The following SLC4A10 variants were observed in gnomAD, a reference collection of about 807,000 sequenced individuals.
SLC4A10 encodes the protein sodium-driven chloride bicarbonate exchanger.
SLC4A10 carries 42 observed loss-of-function variants against 137.7 expected under a neutral mutation model. That is an observed-to-expected ratio of 0.30 (90% CI 0.24 to 0.39). SLC4A10 has a LOEUF of 0.39. Ranked by LOEUF, SLC4A10 falls within the 10% of genes least tolerant of loss-of-function variation. The pLI, the probability that SLC4A10 is intolerant of heterozygous loss-of-function variation, is 1.00. For missense variants in SLC4A10, 925 were observed against 1,355.0 expected, an observed-to-expected ratio of 0.68 and a Z score of 4.98; for synonymous variants, 474 against 464.1, an observed-to-expected ratio of 1.02 and a Z score of -0.27.
At chr2:161,847,917 T>TA (rs1292613618) in intron 4 of SLC4A10, among the ~76,000 whole-genome samples, 4 of 152,190 alleles carry the variant, frequency 2.6e-5, no homozygotes, top group African/African-American at 7.2e-5. Flanking sequence ...GGATGAATGA[T>TA]AGTTCTGTTT....
chr2:161,843,429 G>A (rs1165907334), intron 4 of SLC4A10, among the ~76,000 whole-genome samples: 1 of 152,146 alleles, frequency 6.6e-6, no homozygotes, highest in African/African-American at 2.4e-5. Flanking sequence ...ATGGACCTAT[G>A]TTTGTAGCCA....
At chr2:161,734,745 AT>A (rs111249801) in intron 1 of SLC4A10, among the ~76,000 whole-genome samples, 13,357 of 151,660 alleles carry the variant, frequency 0.088, 860 homozygotes, top group African/African-American at 0.19. Context: ...CTGTATATAT[AT>A]TTTTTTTCTG....
At chr2:161,678,907 T>C (rs1427376953) in intron 1 of SLC4A10, among the ~76,000 whole-genome samples, 1 of 152,174 alleles carries the variant, frequency 6.6e-6, no homozygotes, top group Non-Finnish European at 1.5e-5. Flanking sequence ...CTGTTATGAT[T>C]GAAACCAATA....
chr2:161,887,286 G>A (rs188512942), intron 10 of SLC4A10, among the ~76,000 whole-genome samples: 167 of 152,212 alleles, frequency 1.1e-3, no homozygotes, highest in Admixed American at 3.1e-3. Context: ...ATAGTAGAAC[G>A]TATCTTTATA....
At chr2:161,686,656 A>G (rs968008158) in intron 1 of SLC4A10, among the ~76,000 whole-genome samples, 4 of 152,310 alleles carry the variant, frequency 2.6e-5, no homozygotes, top group Non-Finnish European at 5.9e-5. Context: ...ATTAGAAATC[A>G]TAATGGTTAA....
At position 161,708,730 on chromosome 2, in the gene SLC4A10, A is replaced by G. The variant is rs1297924019; in HGVS notation, c.49-62243A>G. ...CTGAGACATAGAGATGGCTGTGATT[A>G]TCTTTTGTAAGACAGGAAATGCAGT... is the stretch of plus-strand genomic sequence containing the variant. On this transcript the variant is annotated intron_variant, in intron 1 of 26. Transcript: ENST00000446997. 2.0e-6 allele frequency: 3 copies of G among 1,529,338 alleles called. No homozygotes were observed. The South Asian group carries it at 3.6e-5, about 18-fold the overall frequency. 94.7% of individuals were successfully genotyped at this position (1,529,338 alleles called of 1,614,324 possible). A position where few individuals can be genotyped will look rare whatever the true frequency, so the allele number is the denominator to read the frequency against.
chr2:161,777,963 G>T (rs1182671674), intron 2 of SLC4A10, among the ~76,000 whole-genome samples: 1 of 151,860 alleles, frequency 6.6e-6, no homozygotes, highest in Non-Finnish European at 1.5e-5. Flanking sequence ...AACATTACAC[G>T]TTATAACCTG....
chr2:161,702,156 C>A (rs1441668001), intron 1 of SLC4A10, among the ~76,000 whole-genome samples: 2 of 151,798 alleles, frequency 1.3e-5, no homozygotes, highest in Non-Finnish European at 2.9e-5. Flanking sequence ...ACCTAAGTGT[C>A]CAACCACAGA....
At chr2:161,672,588 T>C (rs2039858956) in intron 1 of SLC4A10, among the ~76,000 whole-genome samples, 1 of 152,142 alleles carries the variant, frequency 6.6e-6, no homozygotes, top group Admixed American at 6.6e-5. Context: ...ATTTTCTTCA[T>C]CAGCTTTTAC....
chr2:161,767,161 G>A (rs2050952682), intron 1 of SLC4A10, among the ~76,000 whole-genome samples: 1 of 105,926 alleles, frequency 9.4e-6, no homozygotes, highest in South Asian at 3.3e-4. Flanking sequence ...GTGTGTGTGT[G>A]TGTTTTATTT....
At chr2:161,950,068 G>A (rs1694524226) in intron 18 of SLC4A10, among the ~76,000 whole-genome samples, 1 of 151,974 alleles carries the variant, frequency 6.6e-6, no homozygotes, top group African/African-American at 2.4e-5. Context: ...CAGCAGCCAT[G>A]TTTGGAATCC....
At chr2:161,816,504 G>A (rs1173124241) in intron 3 of SLC4A10, among the ~76,000 whole-genome samples, 1 of 151,954 alleles carries the variant, frequency 6.6e-6, no homozygotes, top group Non-Finnish European at 1.5e-5. Flanking sequence ...TATACTTTAA[G>A]TTTTAGGGTA....
intron 1 of SLC4A10, among the ~76,000 whole-genome samples, chr2:161,722,281 G>A (rs1559109101): frequency 6.6e-6 from 1 of 152,210 alleles, no homozygotes; most frequent in Non-Finnish European, 1.5e-5. Context: ...TGAGTTTTCA[G>A]AATGTTTGCA....
intron 1 of SLC4A10, among the ~76,000 whole-genome samples, chr2:161,700,119 C>G (rs1437578675): frequency 6.6e-6 from 1 of 152,062 alleles, no homozygotes; most frequent in African/African-American, 2.4e-5. Flanking sequence ...GAATGGTGAG[C>G]TGTTGGGTTT....
intron 1 of SLC4A10, among the ~76,000 whole-genome samples, chr2:161,639,553 C>A (rs1312390885): frequency 6.6e-6 from 1 of 151,932 alleles, no homozygotes; most frequent in Admixed American, 6.6e-5. Context: ...TGCAGAAAAG[C>A]AATTAATAAA....
intron 1 of SLC4A10, among the ~76,000 whole-genome samples, chr2:161,664,711 C>CTTTTT (rs11428885): frequency 6.7e-5 from 10 of 148,418 alleles, no homozygotes; most frequent in Non-Finnish European, 1.0e-4. Flanking sequence ...ATTTTTTCTC[C>CTTTTT]TTTTTTTTTT....
chr2:161,876,631 C>T lies in SLC4A10; in HGVS notation c.949-2500C>T, dbSNP rs569777147. 4.0e-4 allele frequency among the ~76,000 whole-genome samples: 61 copies of T among 152,248 alleles called. 1 individual carries two copies. In the South Asian group the frequency reaches 0.012, roughly 29 times the overall value. ...CCAGGAAGTTCGAGGCTGCAGTGAG[C>T]TGGGATCGCACCACTGCACTCCACT... On this transcript the variant is annotated intron_variant, in intron 8 of 26. Transcript: ENST00000446997.
chr2:161,784,151 T>G (rs965393414), intron 2 of SLC4A10, among the ~76,000 whole-genome samples: 2 of 151,896 alleles, frequency 1.3e-5, no homozygotes, highest in African/African-American at 4.8e-5. Flanking sequence ...AAAGACATCT[T>G]ATAATGATAA....
At chr2:161,866,045 C>T (rs573334316) in intron 6 of SLC4A10, among the ~76,000 whole-genome samples, 149 of 152,050 alleles carry the variant, frequency 9.8e-4, no homozygotes, top group African/African-American at 3.4e-3. Context: ...AACACATTTT[C>T]CTCCCTAAGC....
Sources: gnomAD v4.1 joint callset for allele counts (sites outside exome capture counted in the v4.1 genomes callset) on GRCh38, gnomAD v4.1.1 for gene constraint, MANE v1.5 for transcripts, NCBI Gene and HGNC (gene_info 2026-07-23, HGNC 2026-07-21) for gene names.